SPMIP4: variants seen among roughly 807,000 people sequenced by gnomAD.
The protein encoded by SPMIP4 is sperm-associated microtubule inner protein 4.
At chr7:25,149,508 T>C in the SPMIP4 span, among the ~76,000 whole-genome samples, 3 of 152,160 alleles carry the variant, frequency 2.0e-5, no homozygotes, top group Admixed American at 6.5e-5. Flanking sequence ...TTAAGAGCAG[T>C]TAATAAAGAT....
the SPMIP4 span, chr7:25,136,246 G>C: frequency 6.2e-7 from 1 of 1,614,140 alleles, no homozygotes. The surrounding 1 kb of genome is among the most constrained non-coding windows in gnomAD (Gnocchi z 5.7). Flanking sequence ...ATGTTCTAAA[G>C]TGAAAGCTTC....
the SPMIP4 span, chr7:25,134,662 A>G: frequency 1.0e-6 from 1 of 985,956 alleles, no homozygotes; most frequent in Non-Finnish European, 1.2e-6. Flanking sequence ...ACATTACACA[A>G]AACTCTAGGA....
the SPMIP4 span, among the ~76,000 whole-genome samples, chr7:25,162,270 C>CA: frequency 5.5e-4 from 49 of 89,902 alleles, no homozygotes; most frequent in African/African-American, 9.5e-4. Context: ...AACTCTGTCT[C>CA]AAAAAAAAAA....
At chr7:25,151,333 T>C in the SPMIP4 span, among the ~76,000 whole-genome samples, 1 of 151,886 alleles carries the variant, frequency 6.6e-6, no homozygotes, top group Non-Finnish European at 1.5e-5. Context: ...GCGATTCTCA[T>C]GCCTCAGCCT....
At chr7:25,128,347 T>A in the SPMIP4 span, among the ~76,000 whole-genome samples, 1 of 152,026 alleles carries the variant, frequency 6.6e-6, no homozygotes, top group Non-Finnish European at 1.5e-5. The surrounding 1 kb of genome is among the most constrained non-coding windows in gnomAD (Gnocchi z 4.5). Context: ...GGGCTTGGGG[T>A]CGGGAACCTT....
chr7:25,142,425 T>G, the SPMIP4 span: 2 of 1,003,130 alleles, frequency 2.0e-6, no homozygotes, highest in South Asian at 3.3e-5. Context: ...ATTCCTTTTG[T>G]AATATAATTA....
chr7:25,134,707 G>A, the SPMIP4 span: 2 of 985,376 alleles, frequency 2.0e-6, no homozygotes, highest in African/African-American at 3.5e-5. Flanking sequence ...ATACTGGAGA[G>A]TTACACCTTC....
the SPMIP4 span, among the ~76,000 whole-genome samples, chr7:25,145,296 A>G: frequency 0.6 from 91,301 of 151,888 alleles, 28,547 homozygotes; most frequent in Non-Finnish European, 0.69. Context: ...TTGTTCTATG[A>G]GGCTGGATTA....
chr7:25,136,352 C>G, the SPMIP4 span: 1 of 1,614,164 alleles, frequency 6.2e-7, no homozygotes, highest in South Asian at 1.1e-5. The surrounding 1 kb of genome is among the most constrained non-coding windows in gnomAD (Gnocchi z 5.7). Flanking sequence ...TTAAGATTTT[C>G]ATAGTGAATC....
At chr7:25,140,653 G>A in the SPMIP4 span, among the ~76,000 whole-genome samples, 1 of 150,094 alleles carries the variant, frequency 6.7e-6, no homozygotes, top group Non-Finnish European at 1.5e-5. Context: ...CATGATCTTG[G>A]CTTGCTGCAA....
chr7:25,145,907 C>CA, the SPMIP4 span, among the ~76,000 whole-genome samples: 1 of 148,834 alleles, frequency 6.7e-6, no homozygotes, highest in Non-Finnish European at 1.5e-5. Context: ...TTAAATGAAA[C>CA]AAAAAAAGCA....
At chr7:25,132,869 T>C in the SPMIP4 span, among the ~76,000 whole-genome samples, 1 of 152,306 alleles carries the variant, frequency 6.6e-6, no homozygotes, top group Non-Finnish European at 1.5e-5. This position sits in a 1 kb window ranked among gnomAD's most constrained non-coding sequence, Gnocchi z 5.0. Flanking sequence ...TATTGACCAC[T>C]GAGTTGATGG....
the SPMIP4 span, chr7:25,151,757 AGAT>A: frequency 1.3e-6 from 1 of 772,470 alleles, no homozygotes. Flanking sequence ...AATAGAAATG[AGAT>A]AATACAAGGT....
chr7:25,176,977 A>C, the SPMIP4 span, among the ~76,000 whole-genome samples: 28,223 of 152,220 alleles, frequency 0.19, 3,766 homozygotes, highest in African/African-American at 0.38. The surrounding 1 kb of genome is among the most constrained non-coding windows in gnomAD (Gnocchi z 4.4). Context: ...CTCACATGGG[A>C]CAAGAGAATC....
chr7:25,127,710 G>C, the SPMIP4 span, among the ~76,000 whole-genome samples: 1 of 152,124 alleles, frequency 6.6e-6, no homozygotes, highest in African/African-American at 2.4e-5. Context: ...AGTTTGTTTG[G>C]TGAGGTCGTG....
At chr7:25,150,098 G>A in the SPMIP4 span, among the ~76,000 whole-genome samples, 1 of 152,318 alleles carries the variant, frequency 6.6e-6, no homozygotes, top group South Asian at 2.1e-4. Context: ...CCAGGCTGCA[G>A]GCTGGAGGTA....
the SPMIP4 span, among the ~76,000 whole-genome samples, chr7:25,133,202 G>T: frequency 2.6e-5 from 4 of 152,094 alleles, no homozygotes; most frequent in Non-Finnish European, 5.9e-5. Context: ...ACATTTTCAG[G>T]AACTTTTTTT....
the SPMIP4 span, among the ~76,000 whole-genome samples, chr7:25,163,498 C>T: frequency 2.2e-4 from 34 of 152,298 alleles, no homozygotes; most frequent in African/African-American, 4.8e-4. The surrounding 1 kb of genome is among the most constrained non-coding windows in gnomAD (Gnocchi z 4.4). Flanking sequence ...GTAGATAAAA[C>T]GACCAGCTGT....
the SPMIP4 span, among the ~76,000 whole-genome samples, chr7:25,134,072 C>T: frequency 6.8e-4 from 103 of 152,024 alleles, 1 homozygote; most frequent in African/African-American, 2.5e-3. Flanking sequence ...CCAGCCTGGC[C>T]AACTAGTGAA....
Sources: gnomAD v4.1 joint callset for allele counts (sites outside exome capture counted in the v4.1 genomes callset) on GRCh38, gnomAD v4.1.1 for gene constraint, Gnocchi (gnomAD v3.1) non-coding constraint, MANE v1.5 for transcripts, NCBI Gene and HGNC (gene_info 2026-07-23, HGNC 2026-07-21) for gene names.